The following SLC35F4 variants were observed in gnomAD, a reference collection of about 807,000 sequenced individuals.
The protein encoded by SLC35F4 is solute carrier family 35 member F4.
In SLC35F4, 24 loss-of-function variants were observed where a neutral mutation model predicts 44.2. The ratio of observed to expected loss-of-function variants is 0.54; its 90% CI spans 0.39 to 0.76. SLC35F4 has a LOEUF of 0.76. SLC35F4 is among the 30% of genes least tolerant of loss of function. The pLI, the probability that SLC35F4 is intolerant of heterozygous loss-of-function variation, is 0.00. For missense variants in SLC35F4, 562 were observed against 586.1 expected (o/e 0.96, Z 0.42); for synonymous variants, 238 against 223.6 (o/e 1.06, Z -0.57).
chr14:57,779,883 C>T (rs60840322), intron 1 of SLC35F4, among the ~76,000 whole-genome samples: 7,541 of 152,068 alleles, frequency 0.05, 631 homozygotes, highest in African/African-American at 0.17. Flanking sequence ...AAACTCAACA[C>T]CCCTTCGTAT....
chr14:57,879,888 GA>G (rs1243208912), intron 1 of SLC35F4, among the ~76,000 whole-genome samples: 1 of 151,636 alleles, frequency 6.6e-6, no homozygotes, highest in Non-Finnish European at 1.5e-5. Context: ...ATTTAGCACA[GA>G]GTAAGTGGGG....
chr14:57,902,978 T>C (rs1396447463), intron 1 of SLC35F4, among the ~76,000 whole-genome samples: 1 of 152,206 alleles, frequency 6.6e-6, no homozygotes, highest in Admixed American at 6.5e-5. Context: ...TCACCCTGCC[T>C]TATTATTTTA....
intron 1 of SLC35F4, among the ~76,000 whole-genome samples, chr14:57,812,828 C>T (rs1882124749): frequency 6.6e-6 from 1 of 152,110 alleles, no homozygotes; most frequent in Non-Finnish European, 1.5e-5. Context: ...CAGTATAATC[C>T]TATGACATAA....
intron 1 of SLC35F4, among the ~76,000 whole-genome samples, chr14:57,902,561 C>A (rs768976797): frequency 2.2e-3 from 218 of 100,766 alleles, no homozygotes; most frequent in Non-Finnish European, 3.2e-3. Flanking sequence ...GAAACTCAGT[C>A]TCAAAAAAAA....
chr14:57,730,067 G>T (rs1241802829), intron 1 of SLC35F4, among the ~76,000 whole-genome samples: 1 of 152,222 alleles, frequency 6.6e-6, no homozygotes, highest in African/African-American at 2.4e-5. Context: ...TCTCTGCACT[G>T]CATGGTGGCT....
intron 1 of SLC35F4, among the ~76,000 whole-genome samples, chr14:57,842,443 G>A (rs1251697316): frequency 6.6e-6 from 1 of 152,112 alleles, no homozygotes; most frequent in Admixed American, 6.6e-5. Context: ...CTAAGCTATG[G>A]GGTCTTCAAT....
rs531310018 is a variant in SLC35F4 at position 57,667,192 on chromosome 14, GGGGGAGGGAGGGAA to G, written c.104-73082_104-73069del. 5.4e-3 allele frequency among the ~76,000 whole-genome samples: 821 copies of G among 151,842 alleles called. 14 individuals carry two copies. The highest frequency in any genetic ancestry group is 0.018 in the African/African-American group (741 of 41,272). ...TGTTTGTGTAAATACCTGCAAGCAT[GGGGGAGGGAGGGAA>G]GGGGAGGGAGGGAAGGAGAAGGAGA... On this transcript the variant is annotated intron_variant, in intron 1 of 7. Coordinates refer to ENST00000556826, the MANE Select transcript of SLC35F4 (RefSeq NM_001306087.2).
chr14:57,870,655 T>C (rs979440477), upstream of SLC35F4, among the ~76,000 whole-genome samples: 1 of 152,218 alleles, frequency 6.6e-6, no homozygotes, highest in Non-Finnish European at 1.5e-5. Context: ...GCTGTGATGG[T>C]TAAGTGAGAT....
At chr14:57,870,530 A>G (rs552287128), upstream of SLC35F4, among the ~76,000 whole-genome samples, 3 of 152,330 alleles carry the variant, frequency 2.0e-5, no homozygotes, top group Admixed American at 2.0e-4. Context: ...TGACTGGCAT[A>G]TAGTAAGCAT....
chr14:57,676,118 A>T (rs570495750), intron 1 of SLC35F4, among the ~76,000 whole-genome samples: 5 of 152,244 alleles, frequency 3.3e-5, no homozygotes, highest in African/African-American at 1.2e-4. Context: ...TCAGCAAGAG[A>T]AAAACAAGTA....
At chr14:57,682,717 G>A (rs1156881501) in intron 1 of SLC35F4, among the ~76,000 whole-genome samples, 1 of 152,024 alleles carries the variant, frequency 6.6e-6, no homozygotes, top group East Asian at 1.9e-4. Flanking sequence ...CAGTGTTGGT[G>A]TGGATATGAA....
chr14:57,674,036 GA>G (rs1171306165), intron 1 of SLC35F4, among the ~76,000 whole-genome samples: 6 of 151,970 alleles, frequency 3.9e-5, no homozygotes, highest in Non-Finnish European at 8.8e-5. Context: ...AGTAATTAGA[GA>G]AATACATTTT....
intron 1 of SLC35F4, among the ~76,000 whole-genome samples, chr14:57,924,884 C>A (rs1189323160): frequency 6.6e-6 from 1 of 151,954 alleles, no homozygotes; most frequent in Non-Finnish European, 1.5e-5. Context: ...TGGACTCAAG[C>A]AAGTTATGTG....
chr14:57,569,748 T>G, intron 6 of SLC35F4, 40 bp downstream of exon 6: 4 of 1,509,978 alleles, frequency 2.6e-6, no homozygotes, highest in Non-Finnish European at 3.5e-6. Context: ...CAAAGAAAGA[T>G]TGATATAGGG....
At chr14:57,923,763 A>G (rs565480585) in intron 1 of SLC35F4, among the ~76,000 whole-genome samples, 1 of 152,352 alleles carries the variant, frequency 6.6e-6, no homozygotes, top group South Asian at 2.1e-4. Context: ...TACCCATCTG[A>G]GGATTCTCAA....
intron 7 of SLC35F4, among the ~76,000 whole-genome samples, chr14:57,566,256 C>T (rs900083589): frequency 1.3e-5 from 2 of 152,188 alleles, no homozygotes; most frequent in African/African-American, 2.4e-5. Flanking sequence ...GTATTTAATT[C>T]TAAAAGCACA....
chr14:57,863,804 T>G (rs1230268196), intron 1 of SLC35F4, among the ~76,000 whole-genome samples: 1 of 152,216 alleles, frequency 6.6e-6, no homozygotes, highest in Non-Finnish European at 1.5e-5. Flanking sequence ...AATTCTCTCT[T>G]CTTGTGAGAT....
intron 1 of SLC35F4, among the ~76,000 whole-genome samples, chr14:57,833,093 C>T (rs1279218847): frequency 6.6e-6 from 1 of 152,148 alleles, no homozygotes; most frequent in Non-Finnish European, 1.5e-5. Flanking sequence ...AACAAAAGTT[C>T]TCTATTTAGA....
intron 1 of SLC35F4, among the ~76,000 whole-genome samples, chr14:57,945,522 G>A (rs1044563841): frequency 1.6e-5 from 2 of 126,446 alleles, no homozygotes; most frequent in African/African-American, 3.5e-5. Flanking sequence ...CTCATTGTTT[G>A]ATGGGCATTT....
Sources: gnomAD v4.1 joint callset for allele counts (sites outside exome capture counted in the v4.1 genomes callset) on GRCh38, gnomAD v4.1.1 for gene constraint, MANE v1.5 for transcripts, NCBI Gene and HGNC (gene_info 2026-07-23, HGNC 2026-07-21) for gene names.